The following IL1RAPL1 variants were observed in gnomAD, a reference collection of about 807,000 sequenced individuals.
The protein encoded by IL1RAPL1 is interleukin-1 receptor accessory protein-like 1.
In IL1RAPL1, 3 loss-of-function variants were observed where a neutral mutation model predicts 48.4. The observed-to-expected ratio is 0.06, with a 90% CI of 0.03 to 0.16. IL1RAPL1 has a LOEUF of 0.16. Ranked by LOEUF, IL1RAPL1 falls within the 10% of genes least tolerant of loss-of-function variation. The pLI is 1.00. For synonymous variants in IL1RAPL1, 185 were observed against 187.7 expected, an observed-to-expected ratio of 0.99 and a Z score of 0.12; for missense variants, 349 against 530.6, an observed-to-expected ratio of 0.66 and a Z score of 3.36.
In IL1RAPL1 at chrX:28,864,052, CTA is replaced by C. The variant is rs780773483; in HGVS notation, c.82+74630_82+74631del. Among the ~76,000 whole-genome samples, 695 of 112,118 alleles carry C rather than the reference CTA, an allele frequency of 6.2e-3. 9 individuals are homozygous for C. Among genetic ancestry groups the C allele is most frequent in the African/African-American group, 0.022 (675 of 30,917 alleles). ...GTTCATCACAACTCTACCACATACA[CTA>C]TACACATATATACTATTTTTTATTT... On this transcript the variant is annotated intron_variant, in intron 2 of 10. Coordinates refer to ENST00000378993, the MANE Select transcript of IL1RAPL1 (RefSeq NM_014271.4).
At chrX:29,899,619 C>G (rs2147225652) in intron 6 of IL1RAPL1, among the ~76,000 whole-genome samples, 2 of 108,260 alleles carry the variant, frequency 1.8e-5, no homozygotes, top group East Asian at 5.8e-4. Flanking sequence ...TCTCGGCTCA[C>G]TGCAGCCTCC....
At chrX:29,708,003 C>T (rs1354570708) in intron 6 of IL1RAPL1, among the ~76,000 whole-genome samples, 1 of 109,265 alleles carries the variant, frequency 9.2e-6, no homozygotes, top group Non-Finnish European at 1.9e-5. Context: ...GCTTTTTTTC[C>T]CAGTTACAAA....
intron 5 of IL1RAPL1, among the ~76,000 whole-genome samples, chrX:29,543,115 TTC>T (rs59836290): frequency 0.01 from 924 of 91,411 alleles, 8 homozygotes; most frequent in East Asian, 0.042. Flanking sequence ...ATCTGTTCGT[TTC>T]TCTCTCTCTC....
chrX:28,919,146 G>A (rs1387452931), intron 2 of IL1RAPL1, among the ~76,000 whole-genome samples: 1 of 111,185 alleles, frequency 9.0e-6, no homozygotes, highest in African/African-American at 3.3e-5. Flanking sequence ...TCCCTACGGG[G>A]ACATGAACAG....
At chrX:28,684,913 C>A (rs1447253812) in intron 1 of IL1RAPL1, among the ~76,000 whole-genome samples, 1 of 111,495 alleles carries the variant, frequency 9.0e-6, no homozygotes, top group Non-Finnish European at 1.9e-5. Flanking sequence ...ACGTTATAAC[C>A]TTAAAATGAG....
At chrX:29,165,394 A>T (rs1194139688) in intron 2 of IL1RAPL1, among the ~76,000 whole-genome samples, 1 of 112,464 alleles carries the variant, frequency 8.9e-6, no homozygotes, top group Non-Finnish European at 1.9e-5. Flanking sequence ...CTGCTAAAAA[A>T]GTGTCATACA....
chrX:29,493,081 A>C (rs1234433866), intron 5 of IL1RAPL1, among the ~76,000 whole-genome samples: 1 of 112,031 alleles, frequency 8.9e-6, no homozygotes, highest in Non-Finnish European at 1.9e-5. Context: ...GCATTGCACT[A>C]CTGAAGAAAT....
chrX:29,014,797 T>C (rs1926203303), intron 2 of IL1RAPL1, among the ~76,000 whole-genome samples: 1 of 111,967 alleles, frequency 8.9e-6, no homozygotes, highest in Non-Finnish European at 1.9e-5. Context: ...CTATGTAAAA[T>C]AGGCTACATT....
rs150621692 is a variant in IL1RAPL1, at chrX:29,006,597, C to T, written c.82+217172C>T. 7.2e-3 allele frequency among the ~76,000 whole-genome samples: 759 copies of T among 104,989 alleles called. 6 individuals carry two copies. The highest frequency in any genetic ancestry group is 0.011 in the Non-Finnish European group (568 of 51,680). The allele number at this position is 104,989 out of a possible 115,157, so 91.2% of individuals were successfully genotyped here. On this transcript the variant is annotated intron_variant, in intron 2 of 10. Coordinates refer to ENST00000378993, the MANE Select transcript of IL1RAPL1 (RefSeq NM_014271.4). Reference sequence around the variant, plus strand: ...CCCTCAATCTCTGGGTTCTGGTATCCGTTCCATCCTTTAGCTTTGTCTTGC... The same window carrying T: ...CCCTCAATCTCTGGGTTCTGGTATCTGTTCCATCCTTTAGCTTTGTCTTGC...
intron 2 of IL1RAPL1, among the ~76,000 whole-genome samples, chrX:29,063,036 G>A (rs748182217): frequency 8.1e-5 from 9 of 111,391 alleles, no homozygotes; most frequent in South Asian, 7.5e-4. Flanking sequence ...AATTATTGAT[G>A]TACTGACCTT....
intron 2 of IL1RAPL1, among the ~76,000 whole-genome samples, chrX:29,132,415 C>A (rs1049410363): frequency 8.9e-6 from 1 of 111,798 alleles, no homozygotes; most frequent in African/African-American, 3.3e-5. Context: ...TTTAGATACA[C>A]AAATAATTAC....
At chrX:29,805,315 A>G (rs907808724) in intron 6 of IL1RAPL1, among the ~76,000 whole-genome samples, 2 of 111,155 alleles carry the variant, frequency 1.8e-5, no homozygotes, top group Non-Finnish European at 3.8e-5. Context: ...ACATTTTATC[A>G]GATGGGGAAT....
intron 2 of IL1RAPL1, among the ~76,000 whole-genome samples, chrX:29,099,954 C>T (rs1367180270): frequency 1.8e-5 from 2 of 111,200 alleles, no homozygotes; most frequent in East Asian, 5.6e-4. Flanking sequence ...TGGCTCATGC[C>T]TGTAATCCTA....
At chrX:29,682,907 G>A (rs1169536313) in intron 6 of IL1RAPL1, among the ~76,000 whole-genome samples, 1 of 112,091 alleles carries the variant, frequency 8.9e-6, no homozygotes, top group Non-Finnish European at 1.9e-5. Flanking sequence ...GGCTAGGGAA[G>A]TCTAGCAATA....
intron 2 of IL1RAPL1, among the ~76,000 whole-genome samples, chrX:29,163,320 C>T (rs968762298): frequency 2.3e-4 from 26 of 111,395 alleles, no homozygotes; most frequent in African/African-American, 5.5e-4. Context: ...ATCTGAGCTG[C>T]GGCCTGGGAG....
At chrX:29,178,683 T>C (rs1443218342) in intron 2 of IL1RAPL1, among the ~76,000 whole-genome samples, 1 of 111,990 alleles carries the variant, frequency 8.9e-6, no homozygotes, top group Non-Finnish European at 1.9e-5. Flanking sequence ...GCCTATGTCC[T>C]GAATGGTATT....
intron 3 of IL1RAPL1, among the ~76,000 whole-genome samples, chrX:29,340,908 A>G (rs1194210883): frequency 1.8e-5 from 2 of 111,886 alleles, no homozygotes; most frequent in Non-Finnish European, 3.8e-5. Flanking sequence ...GCCCTTAAAA[A>G]TATTAGTATA....
intron 6 of IL1RAPL1, among the ~76,000 whole-genome samples, chrX:29,862,692 C>G (rs1195818293): frequency 9.1e-6 from 1 of 110,440 alleles, no homozygotes; most frequent in Non-Finnish European, 1.9e-5. Flanking sequence ...ATCTTTGCAT[C>G]TTATTGGAAA....
intron 2 of IL1RAPL1, among the ~76,000 whole-genome samples, chrX:29,084,864 T>C (rs1927919237): frequency 8.9e-6 from 1 of 111,976 alleles, no homozygotes; most frequent in South Asian, 3.7e-4. Context: ...GCTAATTTTT[T>C]GTATTTTTAG....
Sources: gnomAD v4.1 joint callset for allele counts (sites outside exome capture counted in the v4.1 genomes callset) on GRCh38, gnomAD v4.1.1 for gene constraint, MANE v1.5 for transcripts, NCBI Gene and HGNC (gene_info 2026-07-23, HGNC 2026-07-21) for gene names.